SPC25: variants seen among roughly 807,000 people sequenced by gnomAD.
The protein encoded by SPC25 is SPC25 component of NDC80 kinetochore complex, also known as kinetochore protein Spc25.
SPC25 carries 22 observed loss-of-function variants against 29.6 expected under a neutral mutation model. The observed-to-expected ratio is 0.74, with a 90% CI of 0.53 to 1.06. SPC25 has a LOEUF of 1.06. Ranked by LOEUF, SPC25 falls within the 50% of genes least tolerant of loss-of-function variation. SPC25 has a pLI of 0.00. For missense variants in SPC25, 230 were observed against 255.8 expected (o/e 0.90, Z 0.69); for synonymous variants, 91 against 90.4 (o/e 1.01, Z -0.04).
intron 3 of SPC25, among the ~76,000 whole-genome samples, chr2:168,880,629 A>T (rs781587389): frequency 4.6e-5 from 7 of 152,254 alleles, no homozygotes; most frequent in African/African-American, 1.7e-4. Context: ...CTTTCAGCCT[A>T]TCTCAGCTTT....
At chr2:168,863,281 T>G (rs1574347952) in intron 4 of SPC25, 2 of 424,882 alleles carry the variant, frequency 4.7e-6, no homozygotes, top group East Asian at 1.6e-4. Flanking sequence ...GAGGGAGAAC[T>G]TAGAGACCGA....
intron 5 of SPC25, 78 bp downstream of exon 5, chr2:168,875,993 TA>T: frequency 1.3e-6 from 1 of 755,998 alleles, no homozygotes; most frequent in African/African-American, 1.8e-5. Context: ...TAGTTGAAAA[TA>T]TTTTTAAAAT....
At chr2:168,889,009 ATG>A (rs1491532048) in intron 3 of SPC25, among the ~76,000 whole-genome samples, 9 of 134,830 alleles carry the variant, frequency 6.7e-5, no homozygotes, top group East Asian at 2.1e-4. Flanking sequence ...ATACACATAT[ATG>A]TATATATATA....
At chr2:168,888,986 T>TAC (rs1690327851) in intron 3 of SPC25, among the ~76,000 whole-genome samples, 1 of 125,554 alleles carries the variant, frequency 8.0e-6, no homozygotes, top group Admixed American at 8.0e-5. Flanking sequence ...CACACACATA[T>TAC]ATATGTATAT....
intron 6 of SPC25, among the ~76,000 whole-genome samples, chr2:168,873,376 A>C (rs1187320271): frequency 2.0e-5 from 3 of 152,174 alleles, no homozygotes; most frequent in Admixed American, 2.0e-4. Flanking sequence ...CATCCTGAAG[A>C]GATGCTACTT....
intron 3 of SPC25, among the ~76,000 whole-genome samples, chr2:168,878,679 C>T (rs571997462): frequency 6.6e-6 from 1 of 152,270 alleles, no homozygotes; most frequent in African/African-American, 2.4e-5. Flanking sequence ...TGTGGTACTA[C>T]ACCCCAAAAA....
chr2:168,889,422 C>G lies in SPC25; in HGVS notation c.98G>C (p.Arg33Thr). 1.2e-6 allele frequency: 2 copies of G among 1,614,140 alleles called. No homozygotes were observed. Among genetic ancestry groups the G allele is most frequent in the Non-Finnish European group, 1.7e-6 (2 of 1,180,030 alleles). Reference sequence around the variant, plus strand: ...TTTGATGGAATCCTTGTAGGTATCTCTTAGTCCCGCCATCTGACAGGAGGT... The same window carrying G: ...TTTGATGGAATCCTTGTAGGTATCTGTTAGTCCCGCCATCTGACAGGAGGT... ...TDTSCQMAGL[R>T]DTYKDSIKAF... Residue 33 changes from arginine to threonine, a missense_variant, in exon 2 of 7, where the codon AGA becomes ACA. Physicochemically the swap from Arg to Thr is moderately conservative, Grantham distance 71. Coordinates refer to ENST00000282074, the MANE Select transcript of SPC25 (RefSeq NM_020675.4).
intron 1 of SPC25, among the ~76,000 whole-genome samples, chr2:168,890,114 G>A (rs771414543): frequency 6.6e-6 from 1 of 152,130 alleles, no homozygotes; most frequent in African/African-American, 2.4e-5. Context: ...ACCTTCCCAG[G>A]AGGACCAAAG....
intron 4 of SPC25, chr2:168,864,919 T>C (rs760514633): frequency 1.2e-6 from 2 of 1,614,108 alleles, no homozygotes; most frequent in Admixed American, 3.3e-5. Flanking sequence ...TTCCTGCCGC[T>C]TATGTGGAGG....
chr2:168,865,131 A>ACAGT (rs1221066802), intron 4 of SPC25: 40 of 759,136 alleles, frequency 5.3e-5, no homozygotes, highest in African/African-American at 7.1e-5. Flanking sequence ...TTAGCTTGAA[A>ACAGT]CAGTCAGAAA....
intron 6 of SPC25, among the ~76,000 whole-genome samples, chr2:168,871,799 C>T (rs555060326): frequency 1.2e-4 from 19 of 152,104 alleles, no homozygotes; most frequent in Non-Finnish European, 2.6e-4. Context: ...AAACAGATGG[C>T]ACTGAAGGAT....
At chr2:168,889,060 T>TATATATATACACATATATATAC (rs1559158777) in intron 3 of SPC25, among the ~76,000 whole-genome samples, 166 bp downstream of exon 3, 757 of 52,954 alleles carry the variant, frequency 0.014, 16 homozygotes, top group African/African-American at 0.044. Flanking sequence ...TATATATACA[T>TATATATATACACATATATATAC]ATATATATAC....
At chr2:168,861,636 T>C (rs772851114) in intron 4 of SPC25, among the ~76,000 whole-genome samples, 3 of 152,216 alleles carry the variant, frequency 2.0e-5, no homozygotes, top group Non-Finnish European at 4.4e-5. Flanking sequence ...TATTTATACC[T>C]GAATGGCAAA....
Position 168,889,452 on chromosome 2 carries a change from G to C in SPC25, c.68C>G (p.Thr23Arg), listed in dbSNP as rs752904874. The C allele has an allele frequency of 1.2e-6, 2 of 1,613,920 alleles. No homozygotes were observed. The highest frequency in any genetic ancestry group is 1.3e-5 in the African/African-American group (1 of 74,896). The change falls in exon 2 of 7, where the codon ACG becomes AGG. Residue 23 changes from threonine (T) to arginine (R), a missense_variant. Physicochemically the swap from Thr to Arg is moderately conservative, Grantham distance 71 (BLOSUM62 -1). Coordinates refer to ENST00000282074, the MANE Select transcript of SPC25 (RefSeq NM_020675.4). ...TCCCGCCATCTGACAGGAGGTGTCC[G>C]TACTTTTGAATTTATTCCAAAATTC... ...INEFWNKFKS[T>R]DTSCQMAGLR...
chr2:168,884,235 C>G (rs1690222760), intron 3 of SPC25, among the ~76,000 whole-genome samples: 1 of 152,152 alleles, frequency 6.6e-6, no homozygotes, highest in Non-Finnish European at 1.5e-5. Context: ...CATTGTGATC[C>G]TAGATCCTCT....
At chr2:168,888,924 CGTGTGTGTGTGTGTGT>C (rs375198489) in intron 3 of SPC25, among the ~76,000 whole-genome samples, 1 of 87,508 alleles carries the variant, frequency 1.1e-5, no homozygotes, top group Non-Finnish European at 2.1e-5. Context: ...ACTACATGTA[CGTGTGTGTGTGTGTGT>C]GTGTGTGTGT....
downstream of SPC25, among the ~76,000 whole-genome samples, chr2:168,866,589 A>G (rs920618821): frequency 6.4e-4 from 97 of 151,934 alleles, no homozygotes; most frequent in African/African-American, 2.3e-3. Flanking sequence ...TGTCTAAAAC[A>G]CCAAAAGCAA....
chr2:168,877,184 T>C (rs983684870), intron 4 of SPC25, 54 bp downstream of exon 4: 10 of 1,587,386 alleles, frequency 6.3e-6, no homozygotes, highest in Middle Eastern at 2.2e-4. Flanking sequence ...TTAATAAAGG[T>C]GAACCGTCAC....
chr2:168,867,862 C>T (rs1689897425), downstream of SPC25, among the ~76,000 whole-genome samples: 2 of 152,250 alleles, frequency 1.3e-5, no homozygotes, highest in South Asian at 2.1e-4. Flanking sequence ...ACCTAATAGA[C>T]ATCTACAGAA....
Sources: gnomAD v4.1 joint callset for allele counts (sites outside exome capture counted in the v4.1 genomes callset) on GRCh38, gnomAD v4.1.1 for gene constraint, MANE v1.5 for transcripts, NCBI Gene and HGNC (gene_info 2026-07-23, HGNC 2026-07-21) for gene names.